The following DPCD variants were observed in gnomAD, a reference collection of about 807,000 sequenced individuals.
The protein encoded by DPCD is deleted in primary ciliary dyskinesia homolog (mouse), also known as protein DPCD.
DPCD carries 20 observed loss-of-function variants against 26.4 expected under a neutral mutation model. The observed-to-expected ratio is 0.76, with a 90% CI of 0.53 to 1.10. DPCD has a LOEUF of 1.10. Ranked by LOEUF, DPCD falls within the 50% of genes least tolerant of loss-of-function variation. DPCD has a pLI of 0.00. For missense variants in DPCD, 202 were observed against 253.9 expected, an observed-to-expected ratio of 0.80 and a Z score of 1.39; for synonymous variants, 97 against 94.2, an observed-to-expected ratio of 1.03 and a Z score of -0.17.
Position 101,600,927 on chromosome 10 carries a change from C to T in DPCD, c.270+65C>T. ...GGGGGTGGGCTGTGGGCTGCTGGCT[C>T]TTGAGGGCAGGGACCATGTCTTGTT... is the stretch of plus-strand genomic sequence containing the variant. On this transcript the variant is annotated intron_variant, in intron 3 of 5. Transcript: ENST00000370151. The surrounding 1 kb of genome is among the most constrained non-coding windows in gnomAD (Gnocchi z 4.7). 1 of 1,608,706 alleles carries T rather than the reference C, an allele frequency of 6.2e-7. No individual in the cohort carries two copies. The highest frequency in any genetic ancestry group is 1.3e-5 in the African/African-American group (1 of 74,784).
chr10:101,609,501 A>AG lies in DPCD; in HGVS notation c.*35dup. On this transcript the variant is annotated 3_prime_UTR_variant, in exon 6 of 6. Transcript: ENST00000370151. The stretch of plus-strand genomic sequence containing the variant: ...CCCCTGAGCCTTATACCTCCACCAC[A>AG]GGGGGTGCCGTGAGACTTCAAGGCT... The AG allele has an allele frequency of 6.2e-7, 1 of 1,600,512 alleles. No homozygotes were observed. The highest frequency in any genetic ancestry group is 8.5e-7 in the Non-Finnish European group (1 of 1,170,274).
chr10:101,598,656 C>T (rs1384876568), intron 2 of DPCD, among the ~76,000 whole-genome samples: 1 of 102,738 alleles, frequency 9.7e-6, no homozygotes, highest in Non-Finnish European at 1.8e-5. Context: ...CGGAGTTTCA[C>T]TCTTGTTGCC....
intron 4 of DPCD, among the ~76,000 whole-genome samples, chr10:101,607,866 T>C (rs929235685): frequency 1.3e-5 from 2 of 152,102 alleles, no homozygotes; most frequent in African/African-American, 4.8e-5. Context: ...AAATGCCAAA[T>C]TGGTGTACTG....
intron 5 of DPCD, 84 bp from the exon 6 acceptor site, chr10:101,609,283 C>A: frequency 7.8e-7 from 1 of 1,281,998 alleles, no homozygotes; most frequent in Non-Finnish European, 1.1e-6. Flanking sequence ...ATAAGGGGAT[C>A]AGAAGGAGAA....
chr10:101,588,947 CTG>C (rs1364127232), intron 1 of DPCD, among the ~76,000 whole-genome samples: 1 of 152,200 alleles, frequency 6.6e-6, no homozygotes. Context: ...TAAATATTTT[CTG>C]TGTCTTTAGG....
rs2063726406 is a variant in DPCD, at chr10:101,605,275, AG to A, written c.405-3559del. 6 of 1,541,550 alleles carry A rather than the reference AG, an allele frequency of 3.9e-6. No homozygotes were observed. In the South Asian group the frequency reaches 6.0e-5, roughly 15 times the overall value. On this transcript the variant is annotated intron_variant, in intron 4 of 5. Transcript: ENST00000370151. ...CCCTGCTCCTGCCTTCAGCCTCCAGAGTCTCTCTCCCTCTGAGGGCCTGGCC... is the reference window on the plus strand; with the variant it reads ...CCCTGCTCCTGCCTTCAGCCTCCAGATCTCTCTCCCTCTGAGGGCCTGGCC...
At chr10:101,601,747 GA>G (rs1364566384) in intron 4 of DPCD, among the ~76,000 whole-genome samples, 1 of 152,060 alleles carries the variant, frequency 6.6e-6, no homozygotes, top group East Asian at 2.0e-4. Flanking sequence ...CCATAGCTTG[GA>G]AGGCACCCCT....
At chr10:101,590,572 A>C (rs1302961561) in intron 1 of DPCD, among the ~76,000 whole-genome samples, 1 of 150,946 alleles carries the variant, frequency 6.6e-6, no homozygotes, top group African/African-American at 2.4e-5. Flanking sequence ...AATCTTTCTC[A>C]ACGGAAATTC....
chr10:101,589,292 C>T (rs1027828229), intron 1 of DPCD, among the ~76,000 whole-genome samples: 5 of 152,196 alleles, frequency 3.3e-5, no homozygotes, highest in Admixed American at 3.3e-4. Flanking sequence ...ATATGTTGTC[C>T]CAGGACTCAG....
In DPCD at chr10:101,609,305, T is replaced by C. The variant is rs2134787446; in HGVS notation, c.508-62T>C. The C allele has an allele frequency of 2.6e-6, 4 of 1,545,294 alleles. No individual in the cohort carries two copies. The South Asian group carries it at 3.4e-5, about 13-fold the overall frequency. Reference sequence around the variant, plus strand: ...GATCAGAAGGAGAAGGGGCCCCAAGTGTGTGTGGAAGGAGATGGGACAGTG... The same window carrying C: ...GATCAGAAGGAGAAGGGGCCCCAAGCGTGTGTGGAAGGAGATGGGACAGTG... On this transcript the variant is annotated intron_variant, in intron 5 of 5. Coordinates refer to ENST00000370151, the MANE Select transcript of DPCD (RefSeq NM_015448.3).
intron 3 of DPCD, 106 bp from the exon 4 acceptor site, chr10:101,601,097 G>A (rs574693850): frequency 7.1e-6 from 11 of 1,545,226 alleles, no homozygotes; most frequent in Admixed American, 3.5e-5. Flanking sequence ...GAGGGGAGCA[G>A]TGGAGAAGAG....
At chr10:101,594,622 G>T (rs1164098794) in intron 1 of DPCD, 36 bp from the exon 2 acceptor site, 1 of 1,605,710 alleles carries the variant, frequency 6.2e-7, no homozygotes, top group Admixed American at 1.7e-5. Context: ...GGCAAGGGGA[G>T]ACTTTGAGGT....
chr10:101,594,563 C>A, intron 1 of DPCD, 95 bp from the exon 2 acceptor site: 1 of 1,299,260 alleles, frequency 7.7e-7, no homozygotes, highest in Non-Finnish European at 1.1e-6. Flanking sequence ...TCAGTACTCC[C>A]AAGGCTGGCA....
chr10:101,590,009 T>C (rs554567668), intron 1 of DPCD, among the ~76,000 whole-genome samples: 1 of 146,388 alleles, frequency 6.8e-6, no homozygotes, highest in Non-Finnish European at 1.5e-5. Context: ...GCCGAGATCA[T>C]GCCAGTGCAC....
intron 4 of DPCD, 22 bp downstream of exon 4, chr10:101,601,358 C>T (rs1485286889): frequency 4.3e-6 from 7 of 1,612,506 alleles, no homozygotes; most frequent in South Asian, 1.1e-5. Flanking sequence ...GGAAGGCACC[C>T]TGTGTGCTTG....
intron 1 of DPCD, among the ~76,000 whole-genome samples, chr10:101,593,884 C>A (rs2063631016): frequency 1.3e-5 from 2 of 152,148 alleles, no homozygotes; most frequent in Admixed American, 6.5e-5. Context: ...TCCTTTCAAT[C>A]AGTATTTAGT....
chr10:101,588,627 A>T, intron 1 of DPCD: 1 of 1,361,756 alleles, frequency 7.3e-7, no homozygotes, highest in Non-Finnish European at 9.4e-7. Context: ...CTCCGCTCTG[A>T]TTTCTGTTGC....
At chr10:101,595,219 A>G (rs1349688670) in intron 2 of DPCD, among the ~76,000 whole-genome samples, 2 of 152,228 alleles carry the variant, frequency 1.3e-5, no homozygotes, top group Non-Finnish European at 2.9e-5. Flanking sequence ...TTTGAAGAAC[A>G]TCTCAGTCAA....
intron 2 of DPCD, among the ~76,000 whole-genome samples, chr10:101,595,443 G>A (rs1238179058): frequency 2.0e-5 from 3 of 152,170 alleles, no homozygotes; most frequent in Non-Finnish European, 4.4e-5. Flanking sequence ...GTCAGCAGTG[G>A]GAGTTGGTCT....
Sources: gnomAD v4.1 joint callset for allele counts (sites outside exome capture counted in the v4.1 genomes callset) on GRCh38, gnomAD v4.1.1 for gene constraint, Gnocchi (gnomAD v3.1) non-coding constraint, MANE v1.5 for transcripts, NCBI Gene and HGNC (gene_info 2026-07-23, HGNC 2026-07-21) for gene names.